The following DPP8 variants were observed in gnomAD, a reference collection of about 807,000 sequenced individuals.
DPP8 encodes the protein dipeptidyl peptidase 8, also known as DPP VIII.
Under a neutral mutation model 107.5 loss-of-function variants are expected in DPP8, and 31 were observed. That is an observed-to-expected ratio of 0.29 (90% CI 0.22 to 0.39). DPP8 has a LOEUF of 0.39. Among genes scored for constraint, DPP8 ranks in the 10% least tolerant of loss-of-function variants. The probability of loss-of-function intolerance (pLI) is 1.00; values close to 1 mark genes in which losing one functional copy is unlikely to be tolerated. For missense variants in DPP8, 842 were observed against 1,076.1 expected, an observed-to-expected ratio of 0.78 and a Z score of 3.04; for synonymous variants, 381 against 356.6, an observed-to-expected ratio of 1.07 and a Z score of -0.77.
chr15:65,491,160 C>CAAAAA (rs764574499), intron 5 of DPP8, among the ~76,000 whole-genome samples: 11 of 54,966 alleles, frequency 2.0e-4, no homozygotes, highest in Admixed American at 2.1e-4. Flanking sequence ...GACTCCGTCT[C>CAAAAA]AAAAAAAAAA....
chr15:65,465,374 G>C (rs2065258336), intron 14 of DPP8, among the ~76,000 whole-genome samples: 1 of 151,306 alleles, frequency 6.6e-6, no homozygotes, highest in African/African-American at 2.4e-5. Flanking sequence ...CACCATGTTG[G>C]CCAGGCTGCT....
intron 4 of DPP8, among the ~76,000 whole-genome samples, chr15:65,499,070 AGTGTGTGTGTGT>A (rs56047613): frequency 4.6e-5 from 6 of 129,688 alleles, no homozygotes; most frequent in African/African-American, 9.4e-5. Context: ...CCAAAAAAAA[AGTGTGTGTGTGT>A]GTGTGTGTGT....
chr15:65,505,949 CAAA>C (rs369806063), intron 3 of DPP8, among the ~76,000 whole-genome samples: 1 of 128,706 alleles, frequency 7.8e-6, no homozygotes, highest in Non-Finnish European at 1.6e-5. Context: ...GACTGTGTCT[CAAA>C]AAAAAAAAAA....
In DPP8 at chr15:65,451,957, T is replaced by C; in HGVS notation, c.2414+3A>G. On this transcript the variant is annotated splice_donor_region_variant and intron_variant, in intron 18 of 19. Transcript: ENST00000300141. ...AAAAAAAAAAAAAAAAGCTTGCACT[T>C]ACTCAGAGGGGAACTTTTCTGCTTG... 6.4e-7 allele frequency: 1 copy of C among 1,574,266 alleles called. No individual in the cohort carries two copies.
chr15:65,464,620 C>T (rs2065187638), intron 14 of DPP8, among the ~76,000 whole-genome samples: 1 of 151,074 alleles, frequency 6.6e-6, no homozygotes, highest in Non-Finnish European at 1.5e-5. Context: ...GAGGTTGAGG[C>T]TACATTGAGC....
At chr15:65,485,544 C>CAAAAAAAAAAAAAAAAAA (rs56940292) in intron 7 of DPP8, among the ~76,000 whole-genome samples, 2 of 61,282 alleles carry the variant, frequency 3.3e-5, no homozygotes, top group Non-Finnish European at 6.7e-5. Flanking sequence ...GACTCCATCT[C>CAAAAAAAAAAAAAAAAAA]AAAAAAAAAA....
chr15:65,486,916 A>G (rs2067495795), intron 7 of DPP8, among the ~76,000 whole-genome samples: 1 of 152,124 alleles, frequency 6.6e-6, no homozygotes, highest in Non-Finnish European at 1.5e-5. Flanking sequence ...AAAATCTCAG[A>G]AATCACCACT....
intron 1 of DPP8, among the ~76,000 whole-genome samples, chr15:65,515,220 C>G (rs352471): frequency 0.88 from 134,497 of 152,244 alleles, 60,157 homozygotes; most frequent in East Asian, 0.95. Context: ...TGAGTCACCG[C>G]GCCTGGCCAT....
intron 5 of DPP8, among the ~76,000 whole-genome samples, chr15:65,493,328 T>G (rs383615): frequency 6.6e-6 from 1 of 151,958 alleles, no homozygotes; most frequent in Non-Finnish European, 1.5e-5. Context: ...GTGATCTGCC[T>G]GCCTCGGCCT....
chr15:65,480,324 T>G lies in DPP8; in HGVS notation c.1194A>C (p.Pro398=). The G allele has an allele frequency of 6.2e-7, 1 of 1,613,596 alleles. No homozygotes were observed. The highest frequency in any genetic ancestry group is 8.5e-7 in the Non-Finnish European group (1 of 1,179,844). The stretch of plus-strand genomic sequence containing the variant: ...GCCTTTCCATAACATCATCTTCTAC[T>G]GGGATAAATAATTCAGGTGAGATCA... ...IVLISPELFI[P]VEDDVMERQR... is the part of the protein sequence containing the mutation. Residue 398 remains proline, a synonymous_variant, in exon 10 of 20, where the codon CCA becomes CCC. Transcript: ENST00000300141.
chr15:65,459,170 CA>C (rs2064703903), intron 15 of DPP8: 1 of 152,118 alleles, frequency 6.6e-6, no homozygotes, highest in Non-Finnish European at 1.5e-5. Context: ...CACACCTGGC[CA>C]GATTCTTCTG....
chr15:65,506,597 C>CAT lies in DPP8; in HGVS notation c.372+644_372+645dup, dbSNP rs916499654. On this transcript the variant is annotated intron_variant, in intron 3 of 19. Coordinates refer to ENST00000300141, the MANE Select transcript of DPP8 (RefSeq NM_130434.5). ...CATAGCAAGACCCCATCTTATTAAA[C>CAT]ATATATATATGTAAACATATATACA... Among the ~76,000 whole-genome samples, 4 of 149,982 alleles carry CAT rather than the reference C, an allele frequency of 2.7e-5. No individual in the cohort carries two copies. In the Admixed American group the frequency reaches 2.7e-4, roughly 10 times the overall value.
chr15:65,501,777 T>C (rs1043824106), intron 3 of DPP8, among the ~76,000 whole-genome samples: 6 of 152,216 alleles, frequency 3.9e-5, no homozygotes, highest in African/African-American at 1.4e-4. Context: ...CCCTCTTCCC[T>C]GGACTCTTGG....
At chr15:65,513,561 T>C (rs2071074165) in intron 1 of DPP8, among the ~76,000 whole-genome samples, 1 of 152,186 alleles carries the variant, frequency 6.6e-6, no homozygotes, top group Non-Finnish European at 1.5e-5. Context: ...TTACCAATCA[T>C]ACAACATATA....
chr15:65,473,017 G>A (rs1370091704), intron 12 of DPP8, among the ~76,000 whole-genome samples: 3 of 152,022 alleles, frequency 2.0e-5, no homozygotes, highest in Admixed American at 1.3e-4. Flanking sequence ...CAGCCTAGGC[G>A]ACAAAGTCAG....
At chr15:65,516,262 T>G (rs1423066413) in intron 1 of DPP8, 2 of 154,160 alleles carry the variant, frequency 1.3e-5, no homozygotes, top group Admixed American at 1.3e-4. Context: ...AGGCCATTTT[T>G]GCAGAAAGGG....
In DPP8 at chr15:65,452,046, C is replaced by T. The variant is rs539875183; in HGVS notation, c.2328G>A (p.Thr776=). ...TLWIFYDTGY[T]ERYMGHPDQN... ...GGTCAGGGTGACCCATATAACGTTC[C>T]GTGTATCCTGTATCATAGAAGATCC... Residue 776 remains threonine (T), a synonymous_variant, in exon 18 of 20, where the codon ACG becomes ACA. Transcript: ENST00000300141. 1.2e-5 allele frequency: 19 copies of T among 1,612,800 alleles called. No homozygotes were observed. The highest frequency in any genetic ancestry group is 5.4e-5 in the African/African-American group (4 of 74,730).
chr15:65,489,780 T>G (rs1157063539), intron 6 of DPP8, among the ~76,000 whole-genome samples: 2 of 152,102 alleles, frequency 1.3e-5, no homozygotes, highest in Admixed American at 6.6e-5. Flanking sequence ...TGCAATAGTG[T>G]GATCTTGGCT....
intron 14 of DPP8, among the ~76,000 whole-genome samples, chr15:65,464,281 T>TCTC (rs2065158900): frequency 3.9e-5 from 6 of 152,026 alleles, no homozygotes; most frequent in Admixed American, 3.9e-4. Flanking sequence ...GAGAAGGGTG[T>TCTC]GAACCCGGGA....
Sources: allele counts gnomAD v4.1 joint callset (sites outside exome capture counted in the v4.1 genomes callset), GRCh38; gene constraint gnomAD v4.1.1; transcripts MANE v1.5; gene names NCBI Gene and HGNC (gene_info 2026-07-23, HGNC 2026-07-21).